The following TMEM135 variants were observed in gnomAD, a reference collection of about 807,000 sequenced individuals.
The protein encoded by TMEM135 is peroxisomal membrane protein 52.
Under a neutral mutation model 60.3 loss-of-function variants are expected in TMEM135, and 30 were observed. The ratio of observed to expected loss-of-function variants is 0.50; its 90% CI spans 0.37 to 0.68. TMEM135 has a LOEUF of 0.68. Ranked by LOEUF, TMEM135 falls within the 30% of genes least tolerant of loss-of-function variation. The pLI is 0.00. For synonymous variants in TMEM135, 190 were observed against 186.7 expected (o/e 1.02, Z -0.14); for missense variants, 468 against 548.8 (o/e 0.85, Z 1.47).
At chr11:87,066,111 C>G (rs1174116137) in intron 1 of TMEM135, among the ~76,000 whole-genome samples, 1 of 152,150 alleles carries the variant, frequency 6.6e-6, no homozygotes, top group African/African-American at 2.4e-5. Context: ...TTGTTGATCA[C>G]TGACTTTCGG....
chr11:87,280,932 T>A (rs1210840977), intron 6 of TMEM135, among the ~76,000 whole-genome samples: 2 of 152,218 alleles, frequency 1.3e-5, no homozygotes, highest in Non-Finnish European at 2.9e-5. Flanking sequence ...CGTATCCGCC[T>A]TCCTGCCTTT....
At chr11:87,298,249 A>G (rs937513840) in intron 7 of TMEM135, among the ~76,000 whole-genome samples, 1 of 152,198 alleles carries the variant, frequency 6.6e-6, no homozygotes, top group Non-Finnish European at 1.5e-5. Context: ...TGACAATATT[A>G]AACTTTGGTG....
At chr11:87,266,437 A>G (rs1273442522) in intron 6 of TMEM135, among the ~76,000 whole-genome samples, 2 of 152,226 alleles carry the variant, frequency 1.3e-5, no homozygotes, top group African/African-American at 2.4e-5. Flanking sequence ...GTATGTATAT[A>G]TAGCAGAATG....
At chr11:87,278,127 T>C (rs1942000578) in intron 6 of TMEM135, among the ~76,000 whole-genome samples, 1 of 152,190 alleles carries the variant, frequency 6.6e-6, no homozygotes, top group South Asian at 2.1e-4. Context: ...GCTATGGTGA[T>C]GTTCCTCAGG....
intron 5 of TMEM135, among the ~76,000 whole-genome samples, chr11:87,186,204 T>C (rs607492): frequency 0.23 from 34,232 of 152,040 alleles, 3,949 homozygotes; most frequent in African/African-American, 0.24. Context: ...CGTGCCCAGC[T>C]GTAGTTATCC....
chr11:87,326,314 C>A lies in TMEM135; in HGVS notation c.*4981C>A, dbSNP rs781470197. On this transcript the variant is annotated 3_prime_UTR_variant, in exon 15 of 15. Transcript: ENST00000305494. Reference sequence around the variant, plus strand: ...GGCTTCCATAAAGTAGACCTGTAGACCTATGTTGGCTGAGGTCACCCTGCA... The same window carrying A: ...GGCTTCCATAAAGTAGACCTGTAGAACTATGTTGGCTGAGGTCACCCTGCA... 2.2e-6 allele frequency: 1 copy of A among 454,068 alleles called. No individual in the cohort carries two copies. Among genetic ancestry groups the A allele is most frequent in the South Asian group, 1.6e-5 (1 of 64,476 alleles). The allele number at this position is 454,068 out of a possible 1,614,324, so 28.1% of individuals were successfully genotyped here.
intron 8 of TMEM135, among the ~76,000 whole-genome samples, chr11:87,304,191 C>G (rs997980981): frequency 2.0e-5 from 3 of 152,054 alleles, no homozygotes; most frequent in African/African-American, 7.2e-5. Context: ...GGCAACATAG[C>G]AAGACCCTGC....
At chr11:87,246,488 C>G (rs928268761) in intron 6 of TMEM135, among the ~76,000 whole-genome samples, 5 of 152,202 alleles carry the variant, frequency 3.3e-5, no homozygotes, top group Non-Finnish European at 5.9e-5. Context: ...TTCAGGTACA[C>G]CAGTCAGACG....
intron 4 of TMEM135, among the ~76,000 whole-genome samples, chr11:87,093,875 G>A (rs1163461751): frequency 1.3e-5 from 2 of 152,146 alleles, no homozygotes; most frequent in African/African-American, 2.4e-5. Context: ...TAAAAATTCA[G>A]TTTGAGTGAT....
intron 4 of TMEM135, among the ~76,000 whole-genome samples, chr11:87,138,183 T>C (rs1019448607): frequency 6.6e-6 from 1 of 151,022 alleles, no homozygotes; most frequent in African/African-American, 2.4e-5. Flanking sequence ...CCCCGCCTCC[T>C]GGGTTCAAGT....
chr11:87,068,432 GTTTA>G (rs1256237678), intron 2 of TMEM135, among the ~76,000 whole-genome samples: 1 of 151,944 alleles, frequency 6.6e-6, no homozygotes, highest in African/African-American at 2.4e-5. Flanking sequence ...TCAAACTTAC[GTTTA>G]TTTATTTATT....
At chr11:87,071,703 G>A (rs1477980542) in intron 3 of TMEM135, 88 bp downstream of exon 3, 2 of 832,346 alleles carry the variant, frequency 2.4e-6, no homozygotes, top group Non-Finnish European at 1.9e-6. Context: ...TCACTTACAG[G>A]GATGAGAAAT....
intron 6 of TMEM135, among the ~76,000 whole-genome samples, chr11:87,295,403 A>G (rs1444855654): frequency 6.6e-6 from 1 of 152,196 alleles, no homozygotes; most frequent in East Asian, 1.9e-4. Context: ...ATTGATCTAT[A>G]TATAACACCC....
chr11:87,093,498 A>T (rs890426593), intron 4 of TMEM135, among the ~76,000 whole-genome samples: 1 of 151,998 alleles, frequency 6.6e-6, no homozygotes, highest in Admixed American at 6.6e-5. Context: ...GGCAAGAGCC[A>T]CTTTGCCCAG....
chr11:87,152,078 C>G (rs192006796), intron 4 of TMEM135, among the ~76,000 whole-genome samples: 1 of 152,106 alleles, frequency 6.6e-6, no homozygotes, highest in African/African-American at 2.4e-5. Context: ...CTTTCTGGTG[C>G]CTTTCTATTG....
chr11:87,187,221 A>G (rs1432621337), intron 5 of TMEM135, among the ~76,000 whole-genome samples: 1 of 152,190 alleles, frequency 6.6e-6, no homozygotes, highest in Non-Finnish European at 1.5e-5. Flanking sequence ...GCTTGAACTT[A>G]TGTGCCAGAG....
intron 7 of TMEM135, among the ~76,000 whole-genome samples, chr11:87,297,434 A>G (rs1942366302): frequency 6.6e-6 from 1 of 152,218 alleles, no homozygotes; most frequent in Non-Finnish European, 1.5e-5. Context: ...ATTTTTCAGT[A>G]AAAGATCATG....
chr11:87,117,350 G>A lies in TMEM135; in HGVS notation c.396+25955G>A, dbSNP rs188985514. 1.7e-3 allele frequency among the ~76,000 whole-genome samples: 263 copies of A among 152,226 alleles called. 1 individual carries two copies. Among genetic ancestry groups the A allele is most frequent in the Middle Eastern group, 3.4e-3 (1 of 294 alleles). Reference sequence around the variant, plus strand: ...CATATTGATTGACTCTTTCTTTCATGAAAGATCTCTCTGAAGCATGCAGTG... The same window carrying A: ...CATATTGATTGACTCTTTCTTTCATAAAAGATCTCTCTGAAGCATGCAGTG... On this transcript the variant is annotated intron_variant, in intron 4 of 14. Coordinates refer to ENST00000305494, the MANE Select transcript of TMEM135 (RefSeq NM_022918.4).
intron 4 of TMEM135, among the ~76,000 whole-genome samples, chr11:87,102,983 A>G (rs1443939507): frequency 2.6e-5 from 4 of 151,944 alleles, no homozygotes; most frequent in South Asian, 4.1e-4. Context: ...CTGTACTTCT[A>G]TGAGTTGGAC....
Sources: gnomAD v4.1 joint callset for allele counts (sites outside exome capture counted in the v4.1 genomes callset) on GRCh38, gnomAD v4.1.1 for gene constraint, MANE v1.5 for transcripts, NCBI Gene and HGNC (gene_info 2026-07-23, HGNC 2026-07-21) for gene names.